The following KCNG3 variants were observed in gnomAD, a reference collection of about 807,000 sequenced individuals.
KCNG3 encodes the protein voltage-gated potassium channel regulatory subunit KCNG3.
KCNG3 carries 15 observed loss-of-function variants against 29.0 expected under a neutral mutation model. The observed-to-expected ratio is 0.52, with a 90% CI of 0.35 to 0.80. KCNG3 has a LOEUF of 0.80. KCNG3 is among the 30% of genes least tolerant of loss of function. The pLI is 0.01. For missense variants in KCNG3, 512 were observed against 605.7 expected (o/e 0.85, Z 1.62); for synonymous variants, 322 against 248.9 (o/e 1.29, Z -2.76).
At chr2:42,474,844 C>A (rs1673382626) in intron 1 of KCNG3, among the ~76,000 whole-genome samples, 1 of 152,042 alleles carries the variant, frequency 6.6e-6, no homozygotes, top group East Asian at 1.9e-4. Flanking sequence ...AAGGGGAATT[C>A]TTTTGTTCTG....
the KCNG3 span, among the ~76,000 whole-genome samples, chr2:42,424,386 T>G: frequency 2.7e-5 from 4 of 150,114 alleles, no homozygotes; most frequent in Admixed American, 2.0e-4. Flanking sequence ...AAGACATCAA[T>G]GAAAGATGGG....
At chr2:42,475,404 C>G (rs1170868879) in intron 1 of KCNG3, among the ~76,000 whole-genome samples, 1 of 148,964 alleles carries the variant, frequency 6.7e-6, no homozygotes, top group Non-Finnish European at 1.5e-5. Context: ...TCTTGGCTCA[C>G]TGCAACCTCT....
chr2:42,493,523 T>C lies in KCNG3; in HGVS notation c.-22A>G. On this transcript the variant is annotated 5_prime_UTR_variant, in exon 1 of 2. Coordinates refer to ENST00000306078, the MANE Select transcript of KCNG3 (RefSeq NM_133329.6). Reference sequence around the variant, plus strand: ...TCATGGCTGGCCGCCCGGGGGACTTTCGGCCCGAGGGCCCCGCTGCAGCCC... The same window carrying C: ...TCATGGCTGGCCGCCCGGGGGACTTCCGGCCCGAGGGCCCCGCTGCAGCCC... 7.4e-7 allele frequency: 1 copy of C among 1,342,756 alleles called. No individual in the cohort carries two copies. Among genetic ancestry groups the C allele is most frequent in the Non-Finnish European group, 9.5e-7 (1 of 1,054,758 alleles). 83.2% of individuals were successfully genotyped at this position (1,342,756 alleles called of 1,614,324 possible).
At chr2:42,394,708 C>T in the KCNG3 span, among the ~76,000 whole-genome samples, 1 of 152,174 alleles carries the variant, frequency 6.6e-6, no homozygotes, top group African/African-American at 2.4e-5. Flanking sequence ...CCAAACTGAA[C>T]CAACATTCAT....
the KCNG3 span, among the ~76,000 whole-genome samples, chr2:42,434,942 CAG>C: frequency 6.6e-6 from 1 of 152,106 alleles, no homozygotes; most frequent in Non-Finnish European, 1.5e-5. Flanking sequence ...TACTTCATAA[CAG>C]ATGCAAAAAT....
chr2:42,398,117 G>A, the KCNG3 span, among the ~76,000 whole-genome samples: 1 of 152,018 alleles, frequency 6.6e-6, no homozygotes, highest in Non-Finnish European at 1.5e-5. Flanking sequence ...CAGCTACTCG[G>A]AAGGCTGAGG....
At chr2:42,400,935 C>T in the KCNG3 span, among the ~76,000 whole-genome samples, 3 of 151,964 alleles carry the variant, frequency 2.0e-5, no homozygotes, top group African/African-American at 4.8e-5. Flanking sequence ...AATATTTCAT[C>T]TCTCTTCTCT....
chr2:42,472,930 C>T (rs1410731757), intron 1 of KCNG3, among the ~76,000 whole-genome samples: 4 of 132,918 alleles, frequency 3.0e-5, no homozygotes, highest in Non-Finnish European at 4.6e-5. Flanking sequence ...GAAACAGAGT[C>T]TCGCTCTGTT....
intron 1 of KCNG3, chr2:42,463,846 G>A: frequency 3.9e-6 from 1 of 254,402 alleles, no homozygotes; most frequent in South Asian, 4.1e-5. Flanking sequence ...TCACTTTGGT[G>A]GCCTCAGTGT....
chr2:42,493,353 A>G lies in KCNG3; in HGVS notation c.149T>C (p.Val50Ala). 1.9e-6 allele frequency: 3 copies of G among 1,583,728 alleles called. No individual in the cohort carries two copies. The highest frequency in any genetic ancestry group is 2.6e-6 in the Non-Finnish European group (3 of 1,164,000). Reference protein sequence around the residue: ...GCRSERDVLEVCDDYDRERNE... With the variant: ...GCRSERDVLEACDDYDRERNE... ...GCGCTCGCGGTCGTAGTCGTCGCAC[A>G]CCTCGAGCACGTCGCGCTCGGAGCG... The change falls in exon 1 of 2, where the codon GTG (valine) becomes GCG (alanine). Residue 50 changes from valine (V) to alanine (A), a missense_variant. Physicochemically the swap from Val to Ala is moderately conservative, Grantham distance 64 (BLOSUM62 0). Coordinates refer to ENST00000306078, the MANE Select transcript of KCNG3 (RefSeq NM_133329.6).
At chr2:42,474,924 G>C (rs566477905) in intron 1 of KCNG3, among the ~76,000 whole-genome samples, 2 of 152,170 alleles carry the variant, frequency 1.3e-5, no homozygotes, top group Non-Finnish European at 2.9e-5. Flanking sequence ...CTGACCCAAT[G>C]TACACGACTT....
At chr2:42,455,090 T>A (rs1321630658) in intron 1 of KCNG3, among the ~76,000 whole-genome samples, 2 of 152,228 alleles carry the variant, frequency 1.3e-5, no homozygotes, top group Non-Finnish European at 2.9e-5. Context: ...ATATGAGCAG[T>A]GATGGAATAC....
At chr2:42,425,006 A>G in the KCNG3 span, 1 of 152,172 alleles carries the variant, frequency 6.6e-6, no homozygotes, top group Non-Finnish European at 1.5e-5. Flanking sequence ...TGCTGCGACA[A>G]TCAGGACAAG....
At chr2:42,399,056 C>CTTTTTTTTTTTTTTTT in the KCNG3 span, among the ~76,000 whole-genome samples, 18 of 107,632 alleles carry the variant, frequency 1.7e-4, no homozygotes, top group Non-Finnish European at 2.4e-4. Flanking sequence ...TTTTTCTTTT[C>CTTTTTTTTTTTTTTTT]TTTTTTTTTT....
At chr2:42,474,352 A>C (rs1284208840) in intron 1 of KCNG3, among the ~76,000 whole-genome samples, 1 of 151,796 alleles carries the variant, frequency 6.6e-6, no homozygotes, top group Admixed American at 6.6e-5. Context: ...ACGTGGTGAA[A>C]CCCTGTCTCT....
the KCNG3 span, among the ~76,000 whole-genome samples, chr2:42,409,129 G>C: frequency 6.6e-6 from 1 of 152,126 alleles, no homozygotes; most frequent in East Asian, 1.9e-4. Context: ...TGTCTGACTT[G>C]CCCTTGGTGG....
chr2:42,469,283 G>C (rs1470726930), intron 1 of KCNG3, among the ~76,000 whole-genome samples: 2 of 151,928 alleles, frequency 1.3e-5, no homozygotes, highest in East Asian at 3.9e-4. Flanking sequence ...CAGGTGTGGT[G>C]GTGCATGCCT....
chr2:42,486,451 C>A (rs1167284028), intron 1 of KCNG3, among the ~76,000 whole-genome samples: 1 of 152,218 alleles, frequency 6.6e-6, no homozygotes, highest in Non-Finnish European at 1.5e-5. Flanking sequence ...TAGCTTTCAT[C>A]TGCTTAAAAC....
At chr2:42,419,668 A>G in the KCNG3 span, among the ~76,000 whole-genome samples, 6 of 152,178 alleles carry the variant, frequency 3.9e-5, no homozygotes, top group African/African-American at 1.4e-4. Context: ...CAGCTACTCA[A>G]TACAGCTTGA....
Sources: allele counts gnomAD v4.1 joint callset (sites outside exome capture counted in the v4.1 genomes callset), GRCh38; gene constraint gnomAD v4.1.1; transcripts MANE v1.5; gene names NCBI Gene and HGNC (gene_info 2026-07-23, HGNC 2026-07-21).